The following FBXO43 variants were observed in gnomAD, a reference collection of about 807,000 sequenced individuals.
The protein encoded by FBXO43 is F-box protein 43.
In FBXO43, 22 loss-of-function variants were observed where a neutral mutation model predicts 56.7. The observed-to-expected ratio is 0.39, with a 90% confidence interval of 0.28 to 0.55. FBXO43 has a LOEUF of 0.55. Ranked by LOEUF, FBXO43 falls within the 20% of genes least tolerant of loss-of-function variation. The pLI, the probability that FBXO43 is intolerant of heterozygous loss-of-function variation, is 0.66. For synonymous variants in FBXO43, 306 were observed against 294.5 expected (o/e 1.04, Z -0.40); for missense variants, 733 against 814.9 (o/e 0.90, Z 1.22).
chr8:100,134,077 C>A (rs1218779179), intron 4 of FBXO43, 27 bp from the exon 5 acceptor site: 1 of 1,610,154 alleles, frequency 6.2e-7, no homozygotes, highest in East Asian at 2.2e-5. Context: ...CACACTAAAT[C>A]TTCTGGTTTC....
Position 100,140,692 on chromosome 8 carries a change from C to T in FBXO43, c.1562G>A (p.Ser521Asn), listed in dbSNP as rs1563753225. Residue 521 changes from serine to asparagine, a missense_variant, in exon 2 of 5, where the codon AGC becomes AAC. By Grantham distance (46) the Ser-to-Asn change is conservative. Coordinates refer to ENST00000428847, the MANE Select transcript of FBXO43 (RefSeq NM_001029860.4). Reference protein sequence around the residue: ...AMVLESLTAESLCSVWKVSRN... With the variant: ...AMVLESLTAENLCSVWKVSRN... ...AACTCTTACTTCTTACCTGCATAGG[C>T]TCTCTGCGGTCAAGGACTCTAAAAC... The T allele has an allele frequency of 1.3e-6, 2 of 1,589,922 alleles. No homozygotes were observed. The highest frequency in any genetic ancestry group is 1.7e-6 in the Non-Finnish European group (2 of 1,172,034).
chr8:100,145,177 C>A lies in FBXO43; in HGVS notation c.-42G>T. On this transcript the variant is annotated 5_prime_UTR_variant, in exon 1 of 5. Coordinates refer to ENST00000428847, the MANE Select transcript of FBXO43 (RefSeq NM_001029860.4). The stretch of plus-strand genomic sequence containing the variant: ...TTAAAGAGGAAAACTTTAGTTTGCA[C>A]AATTAATTGAAAGGTGCAGCAGCAT... The A allele has an allele frequency of 6.4e-7, 1 of 1,558,532 alleles. No homozygotes were observed. Among genetic ancestry groups the A allele is most frequent in the Non-Finnish European group, 8.7e-7 (1 of 1,143,992 alleles).
Position 100,141,561 on chromosome 8 carries a change from C to T in FBXO43, c.693G>A (p.Lys231=), listed in dbSNP as rs778461614. 5.6e-6 allele frequency: 9 copies of T among 1,611,560 alleles called. No individual in the cohort carries two copies. Among genetic ancestry groups the T allele is most frequent in the Non-Finnish European group, 3.4e-6 (4 of 1,180,010 alleles). The stretch of plus-strand genomic sequence containing the variant: ...CTTTGGAATCATCAATTGTGGAAGT[C>T]TTTTGCTGAGAAAAATTAAGCCTCA... ...QKLRLNFSQQ[K]TSTIDDSKDD... Residue 231 remains lysine (K), a synonymous_variant, in exon 2 of 5, where the codon AAG becomes AAA. Coordinates refer to ENST00000428847, the MANE Select transcript of FBXO43 (RefSeq NM_001029860.4).
chr8:100,138,415 A>G (rs145410195), intron 2 of FBXO43, among the ~76,000 whole-genome samples: 16 of 152,278 alleles, frequency 1.1e-4, no homozygotes, highest in Admixed American at 2.6e-4. Flanking sequence ...GCCCACTTCA[A>G]TTGTCATTGA....
intron 2 of FBXO43, among the ~76,000 whole-genome samples, chr8:100,138,164 T>C (rs1037332205): frequency 3.9e-5 from 6 of 152,338 alleles, no homozygotes; most frequent in African/African-American, 1.4e-4. Flanking sequence ...GAGTTCCTAT[T>C]TCATTAACCA....
At position 100,141,890 on chromosome 8, in the gene FBXO43, G is replaced by A. The variant is rs1814667211; in HGVS notation, c.364C>T (p.Pro122Ser). 3 of 1,588,636 alleles carry A rather than the reference G, an allele frequency of 1.9e-6. No homozygotes were observed. Among genetic ancestry groups the A allele is most frequent in the East Asian group, 2.2e-5 (1 of 44,676 alleles). ...GLGLTHPLESPTQKKKCILPR... is the reference protein window; with the variant it reads ...GLGLTHPLESSTQKKKCILPR... The stretch of plus-strand genomic sequence containing the variant: ...AAGATACATTTCTTTTTTTGAGTGG[G>A]AGATTCTAAAGGATGTGTTAAGCCC... The change falls in exon 2 of 5, where the codon CCC becomes TCC. Residue 122 changes from proline (P) to serine (S), a missense_variant. Coordinates refer to ENST00000428847, the MANE Select transcript of FBXO43 (RefSeq NM_001029860.4).
At chr8:100,137,750 T>A in intron 2 of FBXO43, 83 bp from the exon 3 acceptor site, 1 of 1,027,578 alleles carries the variant, frequency 9.7e-7, no homozygotes. Flanking sequence ...ATGAGAAAAA[T>A]TTGTTTTAAA....
At chr8:100,144,913 C>T (rs1368787724) in intron 1 of FBXO43, 138 bp downstream of exon 1, 1 of 1,054,430 alleles carries the variant, frequency 9.5e-7, no homozygotes, top group African/African-American at 1.8e-5. Context: ...GCCTGGGCGA[C>T]AGAGCGACTC....
chr8:100,150,224 TCAAA>T (rs557197945), upstream of FBXO43, among the ~76,000 whole-genome samples: 8 of 152,298 alleles, frequency 5.3e-5, no homozygotes, highest in South Asian at 1.0e-3. Context: ...AGTACAGATA[TCAAA>T]CAATTTTTAA....
chr8:100,135,001 G>T lies in FBXO43; in HGVS notation c.1675-637C>A, dbSNP rs553657754. On this transcript the variant is annotated intron_variant, in intron 3 of 4. Transcript: ENST00000428847. ...TGGTGGATAATGGGAGATGAATCAG[G>T]GATCTGTATAGAGAAACACTAAGCA... Among the ~76,000 whole-genome samples, 15 of 152,008 alleles carry T rather than the reference G, an allele frequency of 9.9e-5. No homozygotes were observed. In the South Asian group the frequency reaches 3.1e-3, roughly 32 times the overall value.
In FBXO43 at chr8:100,139,335, G is replaced by A. The variant is rs1245297821; in HGVS notation, c.1571+1348C>T. On this transcript the variant is annotated intron_variant, in intron 2 of 4. Coordinates refer to ENST00000428847, the MANE Select transcript of FBXO43 (RefSeq NM_001029860.4). Reference sequence around the variant, plus strand: ...ACAGAACAGGCAGTGGCTCACACCTGTAATCCCAGCACTTTGGGAGGCCGA... The same window carrying A: ...ACAGAACAGGCAGTGGCTCACACCTATAATCCCAGCACTTTGGGAGGCCGA... 3.3e-5 allele frequency among the ~76,000 whole-genome samples: 5 copies of A among 152,296 alleles called. No homozygotes were observed. The East Asian group carries it at 7.7e-4, about 24-fold the overall frequency.
chr8:100,150,292 T>C (rs1814895458), upstream of FBXO43, among the ~76,000 whole-genome samples: 1 of 152,236 alleles, frequency 6.6e-6, no homozygotes, highest in South Asian at 2.1e-4. Flanking sequence ...TAGTCGATTC[T>C]TCTATGTTCG....
upstream of FBXO43, among the ~76,000 whole-genome samples, chr8:100,147,279 G>A (rs1020441756): frequency 1.3e-5 from 2 of 152,270 alleles, no homozygotes; most frequent in Non-Finnish European, 2.9e-5. Context: ...CAGAGGAACA[G>A]TAGCAGCACA....
At chr8:100,138,948 T>C (rs572674172) in intron 2 of FBXO43, among the ~76,000 whole-genome samples, 153 of 152,334 alleles carry the variant, frequency 1.0e-3, no homozygotes, top group African/African-American at 3.1e-3. Context: ...TGAACATTTT[T>C]AAAAGGCACA....
Position 100,141,625 on chromosome 8 carries a change from G to A in FBXO43, c.629C>T (p.Thr210Ile), listed in dbSNP as rs1277599062. Reference protein sequence around the residue: ...ANNFSPLVTSTLKTEEVTSCS... With the variant: ...ANNFSPLVTSILKTEEVTSCS... ...TGAAGTCACTTCTTCTGTTTTTAAA[G>A]TGCTAGTAACTAAAGGGCTAAAATT... Residue 210 changes from threonine to isoleucine, a missense_variant, in exon 2 of 5, where the codon ACT becomes ATT. Transcript: ENST00000428847. 2.5e-6 allele frequency: 4 copies of A among 1,613,130 alleles called. No homozygotes were observed. The highest frequency in any genetic ancestry group is 3.4e-6 in the Non-Finnish European group (4 of 1,179,898).
At chr8:100,147,697 G>A (rs1013150042), upstream of FBXO43, among the ~76,000 whole-genome samples, 2 of 152,172 alleles carry the variant, frequency 1.3e-5, no homozygotes, top group East Asian at 1.9e-4. Context: ...AGAAGGCAGT[G>A]GGGGGTGGAG....
Position 100,140,915 on chromosome 8 carries a change from G to A in FBXO43, c.1339C>T (p.His447Tyr), listed in dbSNP as rs373156415. 20 of 1,614,160 alleles carry A rather than the reference G, an allele frequency of 1.2e-5. No individual in the cohort carries two copies. The African/African-American group carries it at 2.1e-4, about 17-fold the overall frequency. Residue 447 changes from histidine (H) to tyrosine (Y), a missense_variant, in exon 2 of 5, where the codon CAT becomes TAT. By Grantham distance (83) the His-to-Tyr change is moderately conservative (BLOSUM62 2). Transcript: ENST00000428847. Reference sequence around the variant, plus strand: ...CTCTTGCTTTTCATGAACAGCTCATGTACCAATTGCAAGGCTGGGGTCTTT... The same window carrying A: ...CTCTTGCTTTTCATGAACAGCTCATATACCAATTGCAAGGCTGGGGTCTTT... ...LSKTPALQLV[H>Y]ELFMKSKRKR...
chr8:100,138,245 C>T (rs543509455), intron 2 of FBXO43, among the ~76,000 whole-genome samples: 76 of 152,266 alleles, frequency 5.0e-4, no homozygotes, highest in Middle Eastern at 6.8e-3. Flanking sequence ...TTATCAATAA[C>T]TTTGATAATA....
rs1338717275 is a variant in FBXO43 at position 100,144,960 on chromosome 8, G to GA, written c.85+90dup. On this transcript the variant is annotated intron_variant, in intron 1 of 4. Transcript: ENST00000428847. The stretch of plus-strand genomic sequence containing the variant: ...AAAAAAAAGAAAGAAAAAAGAAAAA[G>GA]AAAAAAAAGAAAAAGCACCTACCAC... 4.8e-5 allele frequency: 65 copies of GA among 1,350,996 alleles called. 1 individual carries two copies. The highest frequency in any genetic ancestry group is 1.4e-4 in the South Asian group (9 of 64,298). 83.7% of individuals were successfully genotyped at this position (1,350,996 alleles called of 1,614,324 possible).
Sources: gnomAD v4.1 joint callset for allele counts (sites outside exome capture counted in the v4.1 genomes callset) on GRCh38, gnomAD v4.1.1 for gene constraint, MANE v1.5 for transcripts, NCBI Gene and HGNC (gene_info 2026-07-23, HGNC 2026-07-21) for gene names.